The following TEX15 variants were observed in gnomAD, a reference collection of about 807,000 sequenced individuals.
TEX15 encodes the protein testis-expressed protein 15.
Under a neutral mutation model 237.3 loss-of-function variants are expected in TEX15, and 171 were observed. The ratio of observed to expected loss-of-function variants is 0.72; its 90% CI spans 0.64 to 0.82. TEX15 has a LOEUF of 0.82. TEX15 is among the 40% of genes least tolerant of loss of function. The pLI is 0.00. For missense variants in TEX15, 3,750 were observed against 3,646.5 expected, an observed-to-expected ratio of 1.03 and a Z score of -0.73; for synonymous variants, 1,338 against 1,269.8, an observed-to-expected ratio of 1.05 and a Z score of -1.14.
At chr8:30,910,882 T>C (rs1029029034) in intron 1 of TEX15, among the ~76,000 whole-genome samples, 4 of 152,152 alleles carry the variant, frequency 2.6e-5, no homozygotes, top group Admixed American at 1.3e-4. Flanking sequence ...GAAAGATCTA[T>C]GTTTTGTTTT....
intron 3 of TEX15, among the ~76,000 whole-genome samples, chr8:30,884,428 T>C (rs1441233388): frequency 2.0e-5 from 3 of 152,226 alleles, no homozygotes; most frequent in South Asian, 2.1e-4. Context: ...CTTCCTTAAA[T>C]GTCTACTAGT....
intron 2 of TEX15, among the ~76,000 whole-genome samples, chr8:30,889,792 G>C (rs948945602): frequency 1.3e-5 from 2 of 150,802 alleles, no homozygotes; most frequent in Non-Finnish European, 3.0e-5. Flanking sequence ...TTTTGGTGTG[G>C]GATATTAGAC....
chr8:30,898,116 G>A (rs946165742), intron 2 of TEX15, among the ~76,000 whole-genome samples: 5 of 152,066 alleles, frequency 3.3e-5, no homozygotes, highest in Non-Finnish European at 4.4e-5. Context: ...AATTATGTAC[G>A]GGACAATATT....
chr8:30,868,033 G>A (rs765380682), intron 4 of TEX15, among the ~76,000 whole-genome samples: 8 of 151,808 alleles, frequency 5.3e-5, no homozygotes, highest in African/African-American at 1.2e-4. Context: ...CTATATCTAC[G>A]TATCTCTACA....
chr8:30,864,292 A>G (rs1350351106), intron 5 of TEX15, among the ~76,000 whole-genome samples: 7 of 151,776 alleles, frequency 4.6e-5, no homozygotes, highest in Non-Finnish European at 7.4e-5. Context: ...GACTAAAAAA[A>G]AAAAAAAAGT....
rs1375518989 is a variant in TEX15, at chr8:30,867,503, C to G, written c.303-1G>C. The G allele has an allele frequency of 1.3e-6, 2 of 1,522,082 alleles. No homozygotes were observed. Among genetic ancestry groups the G allele is most frequent in the Non-Finnish European group, 1.8e-6 (2 of 1,135,140 alleles). 94.3% of individuals were successfully genotyped at this position (1,522,082 alleles called of 1,614,324 possible). ...TCTTCCACTTTCACGCATCTCTGAC[C>G]TAAAGTAAAACAAACAATGTATACA... On this transcript the variant is annotated splice_acceptor_variant, in intron 4 of 10. Coordinates refer to ENST00000643185, the MANE Select transcript of TEX15 (RefSeq NM_001350162.2). LOFTEE classifies it high-confidence loss of function.
At chr8:30,849,646 T>C (rs1373096389) in intron 7 of TEX15, among the ~76,000 whole-genome samples, 1 of 152,150 alleles carries the variant, frequency 6.6e-6, no homozygotes, top group Non-Finnish European at 1.5e-5. Flanking sequence ...CTCACGCTTA[T>C]AATTCCATTA....
rs1044732078 is a variant in TEX15, at chr8:30,836,870, T to C, written c.9414A>G (p.Pro3138=). 6 of 1,614,074 alleles carry C rather than the reference T, an allele frequency of 3.7e-6. No individual in the cohort carries two copies. The highest frequency in any genetic ancestry group is 5.1e-6 in the Non-Finnish European group (6 of 1,180,042). ...GGTAAGGGTATGTAGCTTGTGGTAA[T>C]GGCTGATGAGAAGCATATTGTGAAA... ...PIFSQYASHQ[P]LPQATYPYLP... is the part of the protein sequence containing the mutation. Residue 3138 remains proline (P), a synonymous_variant, in exon 10 of 11, where the codon CCA becomes CCG. Coordinates refer to ENST00000643185, the MANE Select transcript of TEX15 (RefSeq NM_001350162.2).
intron 5 of TEX15, among the ~76,000 whole-genome samples, chr8:30,866,975 A>G (rs975348165): frequency 6.6e-6 from 1 of 152,018 alleles, no homozygotes; most frequent in African/African-American, 2.4e-5. Context: ...TGATAGAAAC[A>G]AAAAGAGTAA....
At chr8:30,876,057 T>A (rs1808395881) in intron 3 of TEX15, among the ~76,000 whole-genome samples, 1 of 152,058 alleles carries the variant, frequency 6.6e-6, no homozygotes, top group Non-Finnish European at 1.5e-5. Context: ...CAAGCGATCC[T>A]CTCCAACCTT....
intron 9 of TEX15, among the ~76,000 whole-genome samples, chr8:30,838,805 TA>T (rs1807375508): frequency 7.8e-6 from 1 of 128,104 alleles, no homozygotes; most frequent in Non-Finnish European, 1.6e-5. Flanking sequence ...TATATATATA[TA>T]TATATATATA....
In TEX15 at chr8:30,849,256, G is replaced by A. The variant is rs540800362; in HGVS notation, c.911C>T (p.Ala304Val). ...CTTGAAATGCACAAAGGTGACAGTA[G>A]CATCTTTTCCTTTTCCAAATCTTTT... ...VAKRFGKGKD[A>V]TVTFVHFKKP... Residue 304 changes from alanine to valine, a missense_variant, in exon 8 of 11, where the codon GCT becomes GTT. Ala to Val is a moderately conservative substitution (Grantham distance 64). Transcript: ENST00000643185. 2.0e-5 allele frequency: 31 copies of A among 1,535,548 alleles called. No individual in the cohort carries two copies. The highest frequency in any genetic ancestry group is 2.7e-5 in the Non-Finnish European group (31 of 1,146,744).
At position 30,844,276 on chromosome 8, in the gene TEX15, T is replaced by C. The variant is rs1175484051; in HGVS notation, c.5891A>G (p.His1964Arg). Residue 1964 changes from histidine (H) to arginine (R), a missense_variant, in exon 8 of 11, where the codon CAC becomes CGC. His to Arg is a conservative substitution (Grantham distance 29). Transcript: ENST00000643185. ...AGTAGGGACTTTACAGGTTTCAGAG[T>C]GGGCAGGTAAAATAGGCGTATGATT... ...GVNHTPILPA[H>R]SETCKVPTLL... 15 of 1,613,216 alleles carry C rather than the reference T, an allele frequency of 9.3e-6. No individual in the cohort carries two copies. Among genetic ancestry groups the C allele is most frequent in the Admixed American group, 6.7e-5 (4 of 59,956 alleles).
chr8:30,849,719 G>A (rs983183484), intron 7 of TEX15, among the ~76,000 whole-genome samples: 4 of 152,036 alleles, frequency 2.6e-5, no homozygotes, highest in Admixed American at 2.6e-4. Context: ...TGGCCAACAG[G>A]GTGAAACCCT....
At chr8:30,881,897 A>G (rs1316234306) in intron 3 of TEX15, among the ~76,000 whole-genome samples, 1 of 152,120 alleles carries the variant, frequency 6.6e-6, no homozygotes, top group Non-Finnish European at 1.5e-5. Context: ...TGCTAGGATT[A>G]CAGGCGTGAG....
chr8:30,889,927 T>TTATATA (rs1554502265), intron 2 of TEX15, among the ~76,000 whole-genome samples: 1 of 109,922 alleles, frequency 9.1e-6, no homozygotes, highest in Admixed American at 8.8e-5. Flanking sequence ...TATGTATTAG[T>TTATATA]TATATACATA....
At chr8:30,889,048 C>T (rs1261200371) in intron 2 of TEX15, among the ~76,000 whole-genome samples, 1 of 152,142 alleles carries the variant, frequency 6.6e-6, no homozygotes, top group Non-Finnish European at 1.5e-5. Context: ...ATGTCTTATG[C>T]TATAAAAACA....
intron 4 of TEX15, among the ~76,000 whole-genome samples, chr8:30,872,481 A>C (rs1268183786): frequency 6.6e-6 from 1 of 152,186 alleles, no homozygotes; most frequent in East Asian, 1.9e-4. Flanking sequence ...TTAGTATACT[A>C]TACTTTTTAT....
intron 1 of TEX15, among the ~76,000 whole-genome samples, chr8:30,904,309 T>C (rs946314561): frequency 1.3e-4 from 19 of 151,854 alleles, no homozygotes; most frequent in African/African-American, 4.6e-4. Context: ...TAGCCGGGTG[T>C]GGTGGTGGGC....
Sources: allele counts gnomAD v4.1 joint callset (sites outside exome capture counted in the v4.1 genomes callset), GRCh38; gene constraint gnomAD v4.1.1; transcripts MANE v1.5; gene names NCBI Gene and HGNC (gene_info 2026-07-23, HGNC 2026-07-21).